AGMO: variants seen among roughly 807,000 people sequenced by gnomAD.
AGMO encodes alkylglycerol monooxygenase.
A neutral mutation model predicts 60.2 loss-of-function variants in AGMO; 75 were observed. The observed-to-expected ratio is 1.25, with a 90% confidence interval of 1.03 to 1.51. The LOEUF (loss-of-function observed/expected upper bound fraction) is 1.51, where lower values mean the gene tolerates loss of function less well. AGMO is among the 40% of genes most tolerant of loss of function. The pLI is 0.00. For synonymous variants in AGMO, 261 were observed against 177.1 expected, an observed-to-expected ratio of 1.47 and a Z score of -3.76; for missense variants, 763 against 525.5, an observed-to-expected ratio of 1.45 and a Z score of -4.42.
chr7:15,318,084 C>T (rs1008879755), intron 12 of AGMO, among the ~76,000 whole-genome samples: 3 of 151,022 alleles, frequency 2.0e-5, no homozygotes, highest in African/African-American at 7.3e-5. Flanking sequence ...TGGCTCACTG[C>T]AATCTCTGCC....
intron 12 of AGMO, among the ~76,000 whole-genome samples, chr7:15,333,540 C>A (rs1012288215): frequency 1.4e-5 from 2 of 146,636 alleles, no homozygotes; most frequent in African/African-American, 5.1e-5. Flanking sequence ...ATGGCCCTGA[C>A]AAGTGCTAAT....
chr7:15,368,906 C>G (rs767250234), intron 10 of AGMO, among the ~76,000 whole-genome samples: 4 of 152,080 alleles, frequency 2.6e-5, no homozygotes, highest in Non-Finnish European at 5.9e-5. Context: ...AATCCACCAC[C>G]TAGTCAACAT....
chr7:15,272,817 T>C (rs954085253), intron 12 of AGMO, among the ~76,000 whole-genome samples: 1 of 152,196 alleles, frequency 6.6e-6, no homozygotes, highest in Non-Finnish European at 1.5e-5. Context: ...TTAATTTTAA[T>C]GATCGCCATT....
At chr7:15,238,873 C>T (rs1326069764) in intron 12 of AGMO, among the ~76,000 whole-genome samples, 1 of 152,074 alleles carries the variant, frequency 6.6e-6, no homozygotes, top group Non-Finnish European at 1.5e-5. Context: ...GAAAACATAA[C>T]TTTTAATAAT....
chr7:15,272,599 T>C (rs1783649616), intron 12 of AGMO, among the ~76,000 whole-genome samples: 1 of 152,128 alleles, frequency 6.6e-6, no homozygotes, highest in Admixed American at 6.5e-5. Context: ...TATGTGTGCA[T>C]GTATCTTTAC....
chr7:15,358,393 A>T (rs545113321), intron 12 of AGMO: 2 of 471,352 alleles, frequency 4.2e-6, no homozygotes, highest in South Asian at 3.1e-5. Flanking sequence ...GGAAAGGATA[A>T]TAAGAAGGCA....
chr7:15,559,874 G>T (rs767925436), intron 2 of AGMO, among the ~76,000 whole-genome samples: 2 of 151,976 alleles, frequency 1.3e-5, no homozygotes, highest in Non-Finnish European at 2.9e-5. Context: ...CCATAACTCA[G>T]AGTTGGAACC....
intron 12 of AGMO, among the ~76,000 whole-genome samples, chr7:15,286,832 A>G (rs1322674812): frequency 1.3e-5 from 2 of 152,214 alleles, no homozygotes; most frequent in African/African-American, 4.8e-5. Context: ...CTAAGTACCC[A>G]TCAACCAATG....
chr7:15,446,713 C>T lies in AGMO; in HGVS notation c.410-15605G>A, dbSNP rs181095247. Among the ~76,000 whole-genome samples the T allele has an allele frequency of 5.6e-4, 85 of 152,264 alleles. 1 individual carries two copies. In the East Asian group the frequency reaches 0.013, roughly 24 times the overall value. The stretch of plus-strand genomic sequence containing the variant: ...TAAGTAATTTCAGTGCATATTTATC[C>T]TTGAGATACTTATTAGAAAACTGCT... On this transcript the variant is annotated intron_variant, in intron 3 of 12. Coordinates refer to ENST00000342526, the MANE Select transcript of AGMO (RefSeq NM_001004320.2).
intron 3 of AGMO, among the ~76,000 whole-genome samples, chr7:15,505,759 T>C (rs528540434): frequency 6.6e-6 from 1 of 152,180 alleles, no homozygotes; most frequent in Non-Finnish European, 1.5e-5. Flanking sequence ...TCATAATTTT[T>C]GAAAAATATT....
chr7:15,375,271 C>G (rs191552579), intron 10 of AGMO, among the ~76,000 whole-genome samples: 72 of 151,752 alleles, frequency 4.7e-4, no homozygotes, highest in Non-Finnish European at 5.7e-4. Context: ...TATTTTCTTA[C>G]TAAGAAACAA....
intron 12 of AGMO, among the ~76,000 whole-genome samples, chr7:15,328,419 T>C (rs1476845557): frequency 2.0e-5 from 3 of 152,112 alleles, no homozygotes; most frequent in Admixed American, 6.5e-5. Flanking sequence ...CAATGAATAA[T>C]TGAGGCTAAG....
intron 12 of AGMO, among the ~76,000 whole-genome samples, chr7:15,318,447 G>T (rs944893808): frequency 6.6e-6 from 1 of 151,986 alleles, no homozygotes; most frequent in Non-Finnish European, 1.5e-5. Flanking sequence ...TATTTAAATG[G>T]ATCAGTTTAA....
At chr7:15,557,737 A>C (rs371750968) in intron 2 of AGMO, among the ~76,000 whole-genome samples, 1 of 152,044 alleles carries the variant, frequency 6.6e-6, no homozygotes, top group Admixed American at 6.6e-5. Flanking sequence ...TCCTTGAAAA[A>C]CTTTTTAAAA....
intron 9 of AGMO, 108 bp downstream of exon 9, chr7:15,387,298 G>T: frequency 1.6e-6 from 2 of 1,288,700 alleles, no homozygotes; most frequent in Non-Finnish European, 2.2e-6. Flanking sequence ...CTGACTGGGG[G>T]AACATCTTTT....
intron 2 of AGMO, among the ~76,000 whole-genome samples, chr7:15,555,415 T>C (rs1050889633): frequency 1.3e-5 from 2 of 151,502 alleles, no homozygotes; most frequent in East Asian, 3.9e-4. Flanking sequence ...TTCAACTGAA[T>C]CCAGGAGTTT....
At position 15,219,036 on chromosome 7, in the gene AGMO, G is replaced by C. The variant is rs199532058; in HGVS notation, c.1264-17677C>G. ...AAGCTGTCAGAATCATGTTAGATAA[G>C]AGAAAGTATTGTAGCTTCATACATT... On this transcript the variant is annotated intron_variant, in intron 12 of 12. Transcript: ENST00000342526. Among the ~76,000 whole-genome samples the C allele has an allele frequency of 1.6e-4, 24 of 152,270 alleles. No individual in the cohort carries two copies. In the East Asian group the frequency reaches 4.4e-3, roughly 28 times the overall value.
chr7:15,382,840 A>G (rs538655448), intron 10 of AGMO, among the ~76,000 whole-genome samples: 2 of 152,266 alleles, frequency 1.3e-5, no homozygotes, highest in East Asian at 3.9e-4. Flanking sequence ...AGGCATTTTT[A>G]TATGTCACTA....
intron 12 of AGMO, among the ~76,000 whole-genome samples, chr7:15,276,047 G>A (rs1021570280): frequency 1.3e-5 from 2 of 152,174 alleles, no homozygotes; most frequent in African/African-American, 4.8e-5. Flanking sequence ...ATTGATATGT[G>A]AGGTTGTGCT....
Sources: gnomAD v4.1 joint callset for allele counts (sites outside exome capture counted in the v4.1 genomes callset) on GRCh38, gnomAD v4.1.1 for gene constraint, MANE v1.5 for transcripts, NCBI Gene and HGNC (gene_info 2026-07-23, HGNC 2026-07-21) for gene names.